Variants in PLCL2 observed in about 807,000 individuals in gnomAD.
PLCL2 encodes inactive phospholipase C-like protein 2.
In PLCL2, 4 loss-of-function variants were observed where a neutral mutation model predicts 79.6. The observed-to-expected ratio is 0.05, with a 90% CI of 0.02 to 0.11. The LOEUF (loss-of-function observed/expected upper bound fraction) is 0.11. PLCL2 is among the 10% of genes least tolerant of loss of function. The pLI is 1.00. For missense variants in PLCL2, 895 were observed against 1,291.0 expected (o/e 0.69, Z 4.70); for synonymous variants, 484 against 457.7 (o/e 1.06, Z -0.73).
At position 16,887,243 on chromosome 3, in the gene PLCL2, A is replaced by G. The variant is rs1357966637; in HGVS notation, c.327+1877A>G. On this transcript the variant is annotated intron_variant, in intron 1 of 5. Transcript: ENST00000615277. This position sits in a 1 kb window ranked among gnomAD's most constrained non-coding sequence, Gnocchi z 4.1. Reference sequence around the variant, plus strand: ...CTGAAACTTTTAAGGATATTTTGTCATTTTTCTTCTTTGTAAAGAAAGCAT... The same window carrying G: ...CTGAAACTTTTAAGGATATTTTGTCGTTTTTCTTCTTTGTAAAGAAAGCAT... Among the ~76,000 whole-genome samples, 2 of 152,262 alleles carry G rather than the reference A, an allele frequency of 1.3e-5. No homozygotes were observed. The highest frequency in any genetic ancestry group is 1.9e-4 in the East Asian group (1 of 5,184).
chr3:16,956,616 C>T (rs938278018), intron 1 of PLCL2, among the ~76,000 whole-genome samples: 3 of 152,120 alleles, frequency 2.0e-5, no homozygotes, highest in Admixed American at 6.6e-5. Flanking sequence ...ACCAGCTCCT[C>T]CTTGTACCTC....
At chr3:17,043,408 G>A (rs13080108) in intron 4 of PLCL2, among the ~76,000 whole-genome samples, 87,876 of 151,954 alleles carry the variant, frequency 0.58, 25,692 homozygotes, top group South Asian at 0.65. Context: ...TGGCATTTTC[G>A]CGTGCTGATA....
intron 3 of PLCL2, among the ~76,000 whole-genome samples, chr3:17,021,312 A>G (rs1575590802): frequency 6.6e-6 from 1 of 152,108 alleles, no homozygotes; most frequent in Admixed American, 6.6e-5. Flanking sequence ...AATCATCAAA[A>G]CCATTGATGA....
chr3:17,075,280 T>C (rs2065098171), intron 5 of PLCL2, among the ~76,000 whole-genome samples: 1 of 152,112 alleles, frequency 6.6e-6, no homozygotes, highest in African/African-American at 2.4e-5. Context: ...GAGTGACCAG[T>C]GGAACAGTCA....
intron 1 of PLCL2, among the ~76,000 whole-genome samples, chr3:17,001,096 G>A (rs2064206727): frequency 1.3e-5 from 2 of 151,652 alleles, no homozygotes; most frequent in Non-Finnish European, 2.9e-5. Context: ...TTTGATAATA[G>A]CCAATTTAAC....
chr3:16,975,786 A>G (rs2063919756), intron 1 of PLCL2, among the ~76,000 whole-genome samples: 1 of 152,204 alleles, frequency 6.6e-6, no homozygotes, highest in Non-Finnish European at 1.5e-5. Flanking sequence ...CTCTGAGTGC[A>G]TGGGGCATAA....
chr3:17,077,055 C>T (rs62247257), intron 5 of PLCL2, among the ~76,000 whole-genome samples: 18,013 of 152,150 alleles, frequency 0.12, 1,549 homozygotes, highest in Non-Finnish European at 0.17. Context: ...TAGCCACTGT[C>T]GGCTCCCTGA....
At chr3:16,906,021 T>G (rs1696744305) in intron 1 of PLCL2, among the ~76,000 whole-genome samples, 2 of 152,160 alleles carry the variant, frequency 1.3e-5, no homozygotes, top group South Asian at 4.1e-4. Flanking sequence ...AGGACTGCAT[T>G]AATGACTTTC....
intron 1 of PLCL2, among the ~76,000 whole-genome samples, chr3:16,900,872 G>C (rs550020106): frequency 6.6e-6 from 1 of 152,192 alleles, no homozygotes; most frequent in Non-Finnish European, 1.5e-5. Flanking sequence ...CATTTTATAC[G>C]TGTAAATTGG....
At chr3:17,005,585 A>G (rs2064253441) in intron 1 of PLCL2, among the ~76,000 whole-genome samples, 2 of 152,184 alleles carry the variant, frequency 1.3e-5, no homozygotes, top group Non-Finnish European at 2.9e-5. Context: ...TCGTATAAAC[A>G]TTTCTATTTT....
chr3:17,048,513 AT>A (rs963140781), intron 4 of PLCL2, among the ~76,000 whole-genome samples: 1 of 152,184 alleles, frequency 6.6e-6, no homozygotes, highest in African/African-American at 2.4e-5. Flanking sequence ...AAAGGTTAAA[AT>A]TTATCAAAAC....
chr3:17,077,080 C>G (rs1466312530), intron 5 of PLCL2, among the ~76,000 whole-genome samples: 1 of 152,160 alleles, frequency 6.6e-6, no homozygotes, highest in Non-Finnish European at 1.5e-5. Context: ...CACACTCTGT[C>G]TTCTCACCCC....
chr3:16,894,956 G>A (rs537392904), intron 1 of PLCL2, among the ~76,000 whole-genome samples: 292 of 151,746 alleles, frequency 1.9e-3, no homozygotes, highest in African/African-American at 6.4e-3. Flanking sequence ...CTATCAATCC[G>A]TGCTAATAGC....
intron 1 of PLCL2, among the ~76,000 whole-genome samples, chr3:16,959,774 A>G (rs1177674988): frequency 2.0e-5 from 3 of 152,136 alleles, no homozygotes; most frequent in Middle Eastern, 3.2e-3. Context: ...GTCCCACTAC[A>G]GTGTCTCTTC....
At chr3:17,029,654 C>T (rs1051816109) in intron 3 of PLCL2, among the ~76,000 whole-genome samples, 8 of 152,216 alleles carry the variant, frequency 5.3e-5, no homozygotes, top group African/African-American at 1.9e-4. Flanking sequence ...GGATAGGGTC[C>T]GTTTGAGCTG....
rs570363570 is a variant in PLCL2 at position 17,034,073 on chromosome 3, AAAT to A, written c.3019-8797_3019-8795del. Among the ~76,000 whole-genome samples the A allele has an allele frequency of 4.2e-3, 633 of 152,308 alleles. 2 individuals are homozygous for A. Among genetic ancestry groups the A allele is most frequent in the African/African-American group, 0.015 (608 of 41,572 alleles). On this transcript the variant is annotated intron_variant, in intron 3 of 5. Coordinates refer to ENST00000615277, the MANE Select transcript of PLCL2 (RefSeq NM_001144382.2). ...TTTCATTATAACACTGAAGAGGAAA[AAAT>A]AATTGATTCCCAGCTGGGGCCACTT...
intron 1 of PLCL2, among the ~76,000 whole-genome samples, chr3:16,958,224 G>A (rs559090736): frequency 2.0e-5 from 3 of 152,100 alleles, no homozygotes; most frequent in African/African-American, 4.8e-5. Context: ...TTTCTTTAAT[G>A]TTTAGCTACG....
intron 1 of PLCL2, among the ~76,000 whole-genome samples, chr3:16,931,157 A>AT (rs56965342): frequency 0.24 from 35,422 of 147,356 alleles, 4,173 homozygotes; most frequent in Non-Finnish European, 0.25. Flanking sequence ...ATTGCCATTT[A>AT]TTTTTTTTTT....
At chr3:17,043,021 A>G (rs1356916925) in intron 4 of PLCL2, 72 bp downstream of exon 4, 1 of 941,872 alleles carries the variant, frequency 1.1e-6, no homozygotes, top group African/African-American at 1.6e-5. Context: ...AAACTATTTC[A>G]TTTTTTGGAT....
Sources: allele counts gnomAD v4.1 joint callset (sites outside exome capture counted in the v4.1 genomes callset), GRCh38; gene constraint gnomAD v4.1.1; non-coding constraint Gnocchi (gnomAD v3.1); transcripts MANE v1.5; gene names NCBI Gene and HGNC (gene_info 2026-07-23, HGNC 2026-07-21).